Variants in DDX10 observed in about 807,000 individuals in gnomAD.
DDX10 encodes probable ATP-dependent RNA helicase DDX10.
Under a neutral mutation model 104.3 loss-of-function variants are expected in DDX10, and 74 were observed. The observed-to-expected ratio is 0.71, with a 90% CI of 0.59 to 0.86. DDX10 has a LOEUF of 0.86. Ranked by LOEUF, DDX10 falls within the 40% of genes least tolerant of loss-of-function variation. DDX10 has a pLI of 0.00. For synonymous variants in DDX10, 351 were observed against 353.4 expected (o/e 0.99, Z 0.08); for missense variants, 952 against 1,040.0 (o/e 0.92, Z 1.16).
chr11:108,780,344 T>C (rs889202274), intron 13 of DDX10, among the ~76,000 whole-genome samples: 1 of 152,152 alleles, frequency 6.6e-6, no homozygotes, highest in African/African-American at 2.4e-5. Flanking sequence ...CCAAAAGATA[T>C]ATAATTATTC....
At chr11:108,867,407 C>T (rs151190414) in intron 16 of DDX10, among the ~76,000 whole-genome samples, 1 of 152,250 alleles carries the variant, frequency 6.6e-6, no homozygotes, top group Non-Finnish European at 1.5e-5. Context: ...TGACACTCTA[C>T]CTTGGGAAAT....
At chr11:108,679,294 C>T in intron 5 of DDX10, 77 bp from the exon 6 acceptor site, 1 of 1,221,018 alleles carries the variant, frequency 8.2e-7, no homozygotes, top group Non-Finnish European at 1.1e-6. Context: ...TTTTAGGATC[C>T]AATCCAGGAT....
chr11:108,857,152 G>A (rs552191699), intron 16 of DDX10, among the ~76,000 whole-genome samples: 1 of 152,162 alleles, frequency 6.6e-6, no homozygotes, highest in Admixed American at 6.5e-5. Flanking sequence ...CCCTGTTATT[G>A]TTTATTGTCC....
chr11:108,750,263 G>T (rs1350790662), intron 13 of DDX10, among the ~76,000 whole-genome samples: 1 of 152,168 alleles, frequency 6.6e-6, no homozygotes, highest in Non-Finnish European at 1.5e-5. Flanking sequence ...AGCAGTTAGT[G>T]ATGCTATAGT....
Position 108,732,079 on chromosome 11 carries a change from C to T in DDX10, c.1965+8617C>T, listed in dbSNP as rs2094313030. Among the ~76,000 whole-genome samples, 4 of 152,196 alleles carry T rather than the reference C, an allele frequency of 2.6e-5. No homozygotes were observed. The South Asian group carries it at 6.2e-4, about 24-fold the overall frequency. Reference sequence around the variant, plus strand: ...TCTCTCTGGAAAAAGAAGATTTGTACAAGAACCAAATTGAAACTTGGAGCC... The same window carrying T: ...TCTCTCTGGAAAAAGAAGATTTGTATAAGAACCAAATTGAAACTTGGAGCC... On this transcript the variant is annotated intron_variant, in intron 13 of 17. Coordinates refer to ENST00000322536, the MANE Select transcript of DDX10 (RefSeq NM_004398.4).
intron 16 of DDX10, among the ~76,000 whole-genome samples, chr11:108,859,201 A>G (rs1404985689): frequency 6.6e-6 from 1 of 152,198 alleles, no homozygotes; most frequent in Non-Finnish European, 1.5e-5. Flanking sequence ...CAGGGCAGCC[A>G]TTAACTCTGA....
At chr11:108,859,160 A>G (rs902927742) in intron 16 of DDX10, among the ~76,000 whole-genome samples, 1 of 152,200 alleles carries the variant, frequency 6.6e-6, no homozygotes, top group Non-Finnish European at 1.5e-5. Flanking sequence ...ATGACTCTGC[A>G]GTGGGTGTTA....
chr11:108,775,579 G>A (rs1049531275), intron 13 of DDX10, among the ~76,000 whole-genome samples: 1 of 152,122 alleles, frequency 6.6e-6, no homozygotes, highest in African/African-American at 2.4e-5. Context: ...TGTGAGAACA[G>A]GGAATGCATT....
chr11:108,732,860 A>G lies in DDX10; in HGVS notation c.1965+9398A>G, dbSNP rs2094313955. Among the ~76,000 whole-genome samples the G allele has an allele frequency of 1.3e-5, 2 of 152,214 alleles. 1 individual carries two copies. The highest frequency in any genetic ancestry group is 4.1e-4 in the South Asian group (2 of 4,834). On this transcript the variant is annotated intron_variant, in intron 13 of 17. Coordinates refer to ENST00000322536, the MANE Select transcript of DDX10 (RefSeq NM_004398.4). ...AATTAAAATGATTAAATTAAAATTT[A>G]TTTTTGGAACACTTATTTCCTTAAA...
At chr11:108,727,590 C>T (rs1456447860) in intron 13 of DDX10, among the ~76,000 whole-genome samples, 1 of 152,130 alleles carries the variant, frequency 6.6e-6, no homozygotes, top group Non-Finnish European at 1.5e-5. Context: ...TGTATTCTCA[C>T]TTTAAACAGT....
At chr11:108,700,678 G>C (rs1053790100) in intron 9 of DDX10, among the ~76,000 whole-genome samples, 6 of 152,292 alleles carry the variant, frequency 3.9e-5, no homozygotes, top group African/African-American at 9.6e-5. Flanking sequence ...TCTTAGGTTT[G>C]AATTGGACTT....
intron 16 of DDX10, among the ~76,000 whole-genome samples, chr11:108,903,328 T>C (rs1863543252): frequency 6.6e-6 from 1 of 152,176 alleles, no homozygotes; most frequent in Non-Finnish European, 1.5e-5. Context: ...TCCTTTGCGA[T>C]GGGCTTCTTT....
intron 14 of DDX10, 45 bp downstream of exon 14, chr11:108,838,610 T>C: frequency 6.4e-7 from 1 of 1,564,894 alleles, no homozygotes; most frequent in Non-Finnish European, 8.6e-7. Flanking sequence ...ATTTGGAGTA[T>C]TAGAAGAGAT....
At chr11:108,682,813 G>C (rs1406093510) in intron 6 of DDX10, among the ~76,000 whole-genome samples, 3 of 151,980 alleles carry the variant, frequency 2.0e-5, no homozygotes, top group Admixed American at 1.3e-4. Context: ...TAGTGAAACA[G>C]CGTTTTGACC....
chr11:108,831,361 G>A (rs1383383862), intron 13 of DDX10, among the ~76,000 whole-genome samples: 1 of 136,866 alleles, frequency 7.3e-6, no homozygotes, highest in African/African-American at 2.7e-5. Context: ...CTGAGATCGA[G>A]CCACTGCACT....
chr11:108,678,722 T>C (rs1676403), intron 5 of DDX10, among the ~76,000 whole-genome samples: 1 of 149,904 alleles, frequency 6.7e-6, no homozygotes, highest in African/African-American at 2.4e-5. Flanking sequence ...AAGGTCAAAT[T>C]GGCATTTTTT....
chr11:108,825,072 T>C (rs1862377692), intron 13 of DDX10, among the ~76,000 whole-genome samples: 1 of 152,080 alleles, frequency 6.6e-6, no homozygotes, highest in African/African-American at 2.4e-5. Flanking sequence ...AGGGGTTGGG[T>C]GAAGAACAGA....
chr11:108,761,669 G>A (rs899169930), intron 13 of DDX10, among the ~76,000 whole-genome samples: 9 of 152,048 alleles, frequency 5.9e-5, no homozygotes, highest in African/African-American at 2.2e-4. Context: ...ATTTGAATTT[G>A]TTTTCCTTGT....
At chr11:108,842,820 TTATC>T (rs1296413515) in intron 15 of DDX10, among the ~76,000 whole-genome samples, 1 of 152,170 alleles carries the variant, frequency 6.6e-6, no homozygotes, top group Non-Finnish European at 1.5e-5. Flanking sequence ...CTTAGAGTAT[TTATC>T]CAGGGGACAA....
Sources: allele counts gnomAD v4.1 joint callset (sites outside exome capture counted in the v4.1 genomes callset), GRCh38; gene constraint gnomAD v4.1.1; transcripts MANE v1.5; gene names NCBI Gene and HGNC (gene_info 2026-07-23, HGNC 2026-07-21).